Variants in AKR1C2 observed in about 807,000 individuals in gnomAD.
AKR1C2 encodes the protein aldo-keto reductase family 1 member C2.
In AKR1C2, 27 loss-of-function variants were observed where a neutral mutation model predicts 39.8. That is an observed-to-expected ratio of 0.68 (90% CI 0.50 to 0.93). AKR1C2 has a LOEUF of 0.93. Ranked by LOEUF, AKR1C2 falls within the 40% of genes least tolerant of loss-of-function variation. AKR1C2 has a pLI of 0.00. For synonymous variants in AKR1C2, 114 were observed against 137.9 expected (o/e 0.83, Z 1.22); for missense variants, 263 against 365.1 (o/e 0.72, Z 2.28).
chr10:5,000,416 G>C, intron 3 of AKR1C2, 134 bp downstream of exon 3: 7 of 1,578,180 alleles, frequency 4.4e-6, no homozygotes, highest in Non-Finnish European at 6.0e-6. Flanking sequence ...GGAATTAGGA[G>C]TTATGTTTAG....
chr10:4,996,298 G>A (rs1445754086), intron 5 of AKR1C2, among the ~76,000 whole-genome samples: 1 of 149,992 alleles, frequency 6.7e-6, no homozygotes, highest in Non-Finnish European at 1.5e-5. Flanking sequence ...TAATTGATCT[G>A]ACATATATAT....
At chr10:4,997,350 T>C (rs1226829160) in intron 5 of AKR1C2, 1 of 152,406 alleles carries the variant, frequency 6.6e-6, no homozygotes, top group South Asian at 2.1e-4. Flanking sequence ...GATTAAGCAA[T>C]GAAAAATTAA....
chr10:5,016,916 C>A (rs1483597672), intron 1 of AKR1C2, among the ~76,000 whole-genome samples: 7 of 152,202 alleles, frequency 4.6e-5, no homozygotes, highest in Admixed American at 4.6e-4. Flanking sequence ...ATGGAAGTCA[C>A]CACACATTGG....
In AKR1C2 at chr10:4,990,005, A is replaced by G. The variant is rs1554771950; in HGVS notation, c.963T>C (p.Asp321=). 1.9e-6 allele frequency: 3 copies of G among 1,607,918 alleles called. No homozygotes were observed. Among genetic ancestry groups the G allele is most frequent in the Non-Finnish European group, 2.5e-6 (3 of 1,178,434 alleles). The change falls in exon 9 of 9, where the codon GAT becomes GAC. Residue 321 remains aspartate, a synonymous_variant. Coordinates refer to ENST00000380753, the MANE Select transcript of AKR1C2 (RefSeq NM_001393392.1). ...TGCAATGCCCTCCATGTTAATATTC[A>G]TCAGAAAATGGATAATTAGGGGGGC... is the stretch of plus-strand genomic sequence containing the variant. ...FAGPPNYPFS[D]EY
At chr10:5,004,293 A>G (rs1369694866), upstream of AKR1C2, among the ~76,000 whole-genome samples, 1 of 152,248 alleles carries the variant, frequency 6.6e-6, no homozygotes. Context: ...AGGAATGACT[A>G]ATGAGCATTT....
At chr10:4,994,952 A>G (rs527808045) in intron 7 of AKR1C2, among the ~76,000 whole-genome samples, 12 of 130,322 alleles carry the variant, frequency 9.2e-5, no homozygotes, top group Admixed American at 4.0e-4. Context: ...GAGAATAAAT[A>G]TAAGGAATTT....
intron 7 of AKR1C2, among the ~76,000 whole-genome samples, chr10:4,992,673 G>A (rs567213161): frequency 4.1e-5 from 6 of 147,396 alleles, no homozygotes; most frequent in Non-Finnish European, 5.9e-5. Context: ...AGTAATTGCC[G>A]GGCACGTTGG....
At position 4,990,964 on chromosome 10, in the gene AKR1C2, C is replaced by T. The variant is rs1368773580; in HGVS notation, c.929+867G>A. On this transcript the variant is annotated intron_variant, in intron 8 of 8. Transcript: ENST00000380753. ...TGGGTACTTATGATGTACCATTGTG[C>T]TTGTTTTTTTCACACATTATCTCAT... 9.3e-5 allele frequency among the ~76,000 whole-genome samples: 14 copies of T among 151,126 alleles called. 1 individual carries two copies. Among genetic ancestry groups the T allele is most frequent in the African/African-American group, 3.5e-4 (14 of 40,476 alleles).
intron 1 of AKR1C2, among the ~76,000 whole-genome samples, chr10:5,014,196 G>GTA (rs143870980): frequency 6.8e-6 from 1 of 147,252 alleles, no homozygotes; most frequent in African/African-American, 2.5e-5. Flanking sequence ...TCAAAAACAT[G>GTA]TTTTAGTTTC....
In AKR1C2 at chr10:5,001,621, T is replaced by G; in HGVS notation, c.145A>C (p.Ile49Leu). The change falls in exon 2 of 9, where the codon ATT (isoleucine) becomes CTT (leucine). Residue 49 changes from isoleucine (I) to leucine (L), a missense_variant. By Grantham distance (5) the Ile-to-Leu change is conservative. Coordinates refer to ENST00000380753, the MANE Select transcript of AKR1C2 (RefSeq NM_001393392.1). ...TTATTGTAAACATGTGCAGAATCAA[T>G]ATGGTGGAACCCGGCTTCTATTGCC... ...KLAIEAGFHH[I>L]DSAHVYNNEE... 1.2e-6 allele frequency: 2 copies of G among 1,613,978 alleles called. No homozygotes were observed. The highest frequency in any genetic ancestry group is 1.7e-6 in the Non-Finnish European group (2 of 1,179,880).
intron 7 of AKR1C2, among the ~76,000 whole-genome samples, chr10:4,993,008 G>A (rs1442496469): frequency 3.3e-5 from 5 of 151,868 alleles, no homozygotes; most frequent in Non-Finnish European, 5.9e-5. Context: ...TTTATTAAGA[G>A]ATGATTTATT....
chr10:4,995,667 T>A, intron 6 of AKR1C2, 89 bp downstream of exon 6: 1 of 1,422,476 alleles, frequency 7.0e-7, no homozygotes, highest in Non-Finnish European at 9.5e-7. Context: ...CCAAGTCAGC[T>A]GTGAGTGAAC....
intron 7 of AKR1C2, among the ~76,000 whole-genome samples, chr10:4,994,416 A>T (rs1554772639): frequency 6.6e-6 from 1 of 152,272 alleles, no homozygotes; most frequent in African/African-American, 2.4e-5. Context: ...AGTTCCTTCC[A>T]GTAAGAGGTG....
rs782094320 is a variant in AKR1C2, at chr10:4,998,645, ACTTGAGCCCTGG to A, written c.538_549del (p.Pro180_Lys183del). On this transcript the variant is annotated inframe_deletion, in exon 5 of 9. Transcript: ENST00000380753. Reference sequence around the variant, plus strand: ...CTCACCTGGTTGCAGACAGGCTTGTACTTGAGCCCTGGCTTGTTGAGGATCATCTCCAGCAGC... The same window carrying A: ...CTCACCTGGTTGCAGACAGGCTTGTACTTGTTGAGGATCATCTCCAGCAGC... The A allele has an allele frequency of 6.2e-7, 1 of 1,614,156 alleles. No individual in the cohort carries two copies. Among genetic ancestry groups the A allele is most frequent in the Non-Finnish European group, 8.5e-7 (1 of 1,180,028 alleles).
At position 5,001,621 on chromosome 10, in the gene AKR1C2, T is replaced by C; in HGVS notation, c.145A>G (p.Ile49Val). The C allele has an allele frequency of 1.2e-6, 2 of 1,613,978 alleles. No homozygotes were observed. The highest frequency in any genetic ancestry group is 1.6e-4 in the Middle Eastern group (1 of 6,062). Residue 49 changes from isoleucine to valine, a missense_variant, in exon 2 of 9, where the codon ATT becomes GTT. By Grantham distance (29) the Ile-to-Val change is conservative (BLOSUM62 3). Coordinates refer to ENST00000380753, the MANE Select transcript of AKR1C2 (RefSeq NM_001393392.1). ...KLAIEAGFHH[I>V]DSAHVYNNEE... is the part of the protein sequence containing the mutation. ...TTATTGTAAACATGTGCAGAATCAA[T>C]ATGGTGGAACCCGGCTTCTATTGCC...
upstream of AKR1C2, chr10:5,006,409 C>T (rs1554774391): frequency 6.6e-6 from 1 of 152,072 alleles, no homozygotes. Flanking sequence ...CGAGACCAGC[C>T]TGGCTAACAT....
chr10:5,001,752 C>T (rs534767321), intron 1 of AKR1C2, 71 bp from the exon 2 acceptor site: 39 of 1,597,276 alleles, frequency 2.4e-5, no homozygotes, highest in African/African-American at 6.8e-5. Flanking sequence ...CAAGCAGCAA[C>T]GTTCACAAAA....
chr10:4,989,757 G>A lies in AKR1C2; in HGVS notation c.*239C>T, dbSNP rs1554771913. The stretch of plus-strand genomic sequence containing the variant: ...TGTCAGAAGGAGAGAAAACATAGAA[G>A]TTATGGAGACCAAAGTAGGTGAAGA... On this transcript the variant is annotated 3_prime_UTR_variant, in exon 9 of 9. Coordinates refer to ENST00000380753, the MANE Select transcript of AKR1C2 (RefSeq NM_001393392.1). The A allele has an allele frequency of 1.7e-6, 1 of 585,078 alleles. No individual in the cohort carries two copies. The highest frequency in any genetic ancestry group is 1.9e-5 in the African/African-American group (1 of 51,298). The allele number at this position is 585,078 out of a possible 1,614,324, so 36.2% of individuals were successfully genotyped here.
rs1836775028 is a variant in AKR1C2 at position 4,989,949 on chromosome 10, A to G, written c.*47T>C. ...GCATAGAGCCATCCTCTGTGTCACC[A>G]TCCACACGCAGGGCCTTCTGGCAGA... On this transcript the variant is annotated 3_prime_UTR_variant, in exon 9 of 9. Transcript: ENST00000380753. 2 of 1,488,466 alleles carry G rather than the reference A, an allele frequency of 1.3e-6. No individual in the cohort carries two copies. The highest frequency in any genetic ancestry group is 4.5e-5 in the East Asian group (2 of 44,114). 92.2% of individuals were successfully genotyped at this position (1,488,466 alleles called of 1,614,324 possible). A position where few individuals can be genotyped will look rare whatever the true frequency, so the allele number is the denominator to read the frequency against.
Sources: gnomAD v4.1 joint callset for allele counts (sites outside exome capture counted in the v4.1 genomes callset) on GRCh38, gnomAD v4.1.1 for gene constraint, MANE v1.5 for transcripts, NCBI Gene and HGNC (gene_info 2026-07-23, HGNC 2026-07-21) for gene names.